The following BNIP5 variants were observed in gnomAD, a reference collection of about 807,000 sequenced individuals.
BNIP5 encodes the protein BCL2 interacting protein 5.
In BNIP5, 61 loss-of-function variants were observed where a neutral mutation model predicts 67.3. The observed-to-expected ratio is 0.91, with a 90% CI of 0.74 to 1.12. BNIP5 has a LOEUF of 1.12. BNIP5 is among the 50% of genes most tolerant of loss of function. BNIP5 has a pLI of 0.00. For missense variants in BNIP5, 826 were observed against 816.3 expected, an observed-to-expected ratio of 1.01 and a Z score of -0.14; for synonymous variants, 317 against 319.0, an observed-to-expected ratio of 0.99 and a Z score of 0.07.
chr6:36,319,234 A>T, intron 11 of BNIP5, 122 bp downstream of exon 11: 2 of 1,196,646 alleles, frequency 1.7e-6, no homozygotes, highest in Non-Finnish European at 2.4e-6. Context: ...TTTGAGATAG[A>T]CCCAAAAATT....
intron 11 of BNIP5, among the ~76,000 whole-genome samples, chr6:36,317,756 C>T (rs1366417893): frequency 2.6e-5 from 4 of 152,220 alleles, no homozygotes. Context: ...CAGAGCCTCA[C>T]AGCCCTTTGC....
At position 36,321,171 on chromosome 6, in the gene BNIP5, C is replaced by T. The variant is rs773219841; in HGVS notation, c.1652G>A (p.Gly551Asp). ...GGTACTCACCTGCTGCCCCAGTTGGCCATCCACTTCTTGGAGAAGTGCCAC... is the reference window on the plus strand; with the variant it reads ...GGTACTCACCTGCTGCCCCAGTTGGTCATCCACTTCTTGGAGAAGTGCCAC... ...KLVALLQEVD[G>D]QLGQQIRRHP... Residue 551 changes from glycine (G) to aspartate (D), a missense_variant, in exon 10 of 12, where the codon GGC (glycine) becomes GAC (aspartate). Gly to Asp is a moderately conservative substitution (Grantham distance 94). Transcript: ENST00000437635. 1.3e-6 allele frequency: 2 copies of T among 1,593,290 alleles called. No homozygotes were observed. Among genetic ancestry groups the T allele is most frequent in the South Asian group, 1.1e-5 (1 of 87,504 alleles).
chr6:36,321,314 A>G, intron 9 of BNIP5, 95 bp from the exon 10 acceptor site: 1 of 856,548 alleles, frequency 1.2e-6, no homozygotes, highest in Non-Finnish European at 1.9e-6. Context: ...TCCACCTGTG[A>G]AAGACAATAT....
intron 9 of BNIP5, among the ~76,000 whole-genome samples, chr6:36,322,032 G>T (rs918432924): frequency 8.5e-5 from 13 of 152,202 alleles, no homozygotes; most frequent in African/African-American, 3.1e-4. Context: ...GAGACCCGGA[G>T]CAAGCTAGGA....
intron 6 of BNIP5, among the ~76,000 whole-genome samples, chr6:36,324,424 C>T (rs1771708803): frequency 6.6e-6 from 1 of 150,892 alleles, no homozygotes; most frequent in Admixed American, 6.6e-5. Flanking sequence ...TGGAAAGGCC[C>T]ATTCCCTACA....
At chr6:36,331,853 G>A (rs910405576) in intron 1 of BNIP5, among the ~76,000 whole-genome samples, 4 of 151,714 alleles carry the variant, frequency 2.6e-5, no homozygotes, top group Non-Finnish European at 2.9e-5. Context: ...CCCCCACATC[G>A]ACCCATCAGC....
At chr6:36,327,777 G>T (rs1179438973) in intron 3 of BNIP5, among the ~76,000 whole-genome samples, 1 of 151,784 alleles carries the variant, frequency 6.6e-6, no homozygotes, top group Non-Finnish European at 1.5e-5. Context: ...GCCAGCTGAT[G>T]AGTTTACATG....
intron 1 of BNIP5, among the ~76,000 whole-genome samples, chr6:36,332,829 C>A (rs1170839461): frequency 6.6e-6 from 1 of 152,012 alleles, no homozygotes; most frequent in African/African-American, 2.4e-5. Context: ...GTTCAGAAGG[C>A]CTCTTCCCTT....
At chr6:36,320,159 C>A in intron 10 of BNIP5, among the ~76,000 whole-genome samples, 1 of 152,222 alleles carries the variant, frequency 6.6e-6, no homozygotes, top group Non-Finnish European at 1.5e-5. Context: ...AAGCTCCTTT[C>A]TCTTAATAAC....
At chr6:36,330,968 T>C (rs1181991529) in intron 1 of BNIP5, among the ~76,000 whole-genome samples, 1 of 152,180 alleles carries the variant, frequency 6.6e-6, no homozygotes, top group Non-Finnish European at 1.5e-5. Context: ...TTCACCGTGT[T>C]GGCCAGGTTG....
chr6:36,326,632 C>A lies in BNIP5; in HGVS notation c.914G>T (p.Gly305Val). ...RTSKTNPKKH[G>V]SEEAKRGAAD... ...AGCCCCCCTCTTGGCCTCCTCGGAG[C>A]CGTGTTTCTTGGGGTTTGTCTTTGA... is the stretch of plus-strand genomic sequence containing the variant. Residue 305 changes from glycine (G) to valine (V), a missense_variant, in exon 5 of 12, where the codon GGC becomes GTC. Physicochemically the swap from Gly to Val is moderately radical, Grantham distance 109. Transcript: ENST00000437635. The A allele has an allele frequency of 1.2e-6, 2 of 1,614,226 alleles. No homozygotes were observed. The highest frequency in any genetic ancestry group is 1.7e-6 in the Non-Finnish European group (2 of 1,180,032).
chr6:36,330,122 G>C lies in BNIP5; in HGVS notation c.569C>G (p.Ala190Gly). The stretch of plus-strand genomic sequence containing the variant: ...CAGGTCAGCCTCCCCGGAGCGCAAG[G>C]CAGCAGCTGCCTTGGACAACCCTTC... ...REEGLSKAAA[A>G]LRSGEADLGP... Residue 190 changes from alanine (A) to glycine (G), a missense_variant, in exon 2 of 12, where the codon GCC (alanine) becomes GGC (glycine). Ala to Gly is a moderately conservative substitution (Grantham distance 60, BLOSUM62 0). Transcript: ENST00000437635. 6.2e-7 allele frequency: 1 copy of C among 1,611,604 alleles called. No homozygotes were observed. The highest frequency in any genetic ancestry group is 8.5e-7 in the Non-Finnish European group (1 of 1,179,924).
chr6:36,330,659 A>AG lies in BNIP5; in HGVS notation c.31dup (p.Leu11ProfsTer44), dbSNP rs1771883419. ...CAGAGACCTGGCTTTCTTCTCCGCC[A>AG]GGGGCCTCCTTGGGCACCTTGGATT... On this transcript the variant is annotated frameshift_variant, in exon 2 of 12. Transcript: ENST00000437635. LOFTEE classifies it high-confidence loss of function. The AG allele has an allele frequency of 6.3e-7, 1 of 1,596,248 alleles. No homozygotes were observed. The highest frequency in any genetic ancestry group is 1.1e-5 in the South Asian group (1 of 90,356).
intron 1 of BNIP5, among the ~76,000 whole-genome samples, chr6:36,336,214 A>T (rs527525425): frequency 1.3e-5 from 2 of 152,146 alleles, no homozygotes; most frequent in South Asian, 4.1e-4. Flanking sequence ...AAACCTTAAA[A>T]CTCATAGAAC....
rs78347348 is a variant in BNIP5, at chr6:36,318,749, C to T, written c.1923+607G>A. ...AAAAAAAATCAGTGACAAGCATCAT[C>T]TCTGAAGGGAATATCTCAGAGACTT... is the stretch of plus-strand genomic sequence containing the variant. On this transcript the variant is annotated intron_variant, in intron 11 of 11. Transcript: ENST00000437635. Among the ~76,000 whole-genome samples, 369 of 152,072 alleles carry T rather than the reference C, an allele frequency of 2.4e-3. 4 individuals are homozygous for T. Among genetic ancestry groups the T allele is most frequent in the African/African-American group, 8.4e-3 (348 of 41,470 alleles).
intron 10 of BNIP5, among the ~76,000 whole-genome samples, chr6:36,320,587 T>C (rs1356738564): frequency 1.3e-5 from 2 of 152,234 alleles, no homozygotes; most frequent in Non-Finnish European, 2.9e-5. Flanking sequence ...GCTATGCTGA[T>C]TACTCATCTT....
At chr6:36,330,774 TG>T (rs1771887805) in intron 1 of BNIP5, 80 bp from the exon 2 acceptor site, 1 of 1,486,466 alleles carries the variant, frequency 6.7e-7, no homozygotes, top group Non-Finnish European at 8.9e-7. Context: ...TGTTTGTTTT[TG>T]TTTTTTATGA....
rs576052983 is a variant in BNIP5, at chr6:36,326,768, A to T, written c.793-15T>A. The T allele has an allele frequency of 3.8e-5, 62 of 1,613,370 alleles. No individual in the cohort carries two copies. The Admixed American group carries it at 7.5e-4, about 20-fold the overall frequency. On this transcript the variant is annotated splice_polypyrimidine_tract_variant and intron_variant, in intron 4 of 11. Coordinates refer to ENST00000437635, the MANE Select transcript of BNIP5 (RefSeq NM_001010903.5). ...GCCAGAGATTGCTGTTGGGGAGAGG[A>T]GAAAAACTGGTCAGGTTCATGACAC... is the stretch of plus-strand genomic sequence containing the variant.
Position 36,327,030 on chromosome 6 carries a change from C to T in BNIP5, c.792G>A (p.Glu264=). ...GAGACCTGCAAAGTTTACTCCTCAC[C>T]TCTTCTTCCCACTGGTCTCCCACTC... is the stretch of plus-strand genomic sequence containing the variant. ...LKRVGDQWEE[E]QSLASQLGVA... is the part of the protein sequence containing the mutation. Residue 264 remains glutamate, a splice_region_variant and synonymous_variant, in exon 4 of 12, where the codon GAG becomes GAA. Transcript: ENST00000437635. The T allele has an allele frequency of 1.2e-6, 2 of 1,613,824 alleles. No individual in the cohort carries two copies. Among genetic ancestry groups the T allele is most frequent in the Non-Finnish European group, 1.7e-6 (2 of 1,179,686 alleles).
Sources: gnomAD v4.1 joint callset for allele counts (sites outside exome capture counted in the v4.1 genomes callset) on GRCh38, gnomAD v4.1.1 for gene constraint, MANE v1.5 for transcripts, NCBI Gene and HGNC (gene_info 2026-07-23, HGNC 2026-07-21) for gene names.